METTL8: variants seen among roughly 807,000 people sequenced by gnomAD.
The protein encoded by METTL8 is tRNA N(3)-cytidine methyltransferase METTL8, mitochondrial.
Under a neutral mutation model 48.7 loss-of-function variants are expected in METTL8, and 32 were observed. That is an observed-to-expected ratio of 0.66 (90% CI 0.50 to 0.88). METTL8 has a LOEUF of 0.88. Ranked by LOEUF, METTL8 falls within the 40% of genes least tolerant of loss-of-function variation. The pLI, the probability that METTL8 is intolerant of heterozygous loss-of-function variation, is 0.00. For synonymous variants in METTL8, 136 were observed against 157.1 expected, an observed-to-expected ratio of 0.87 and a Z score of 1.01; for missense variants, 464 against 474.4, an observed-to-expected ratio of 0.98 and a Z score of 0.20.
chr2:171,403,891 C>T (rs1452130741), intron 1 of METTL8, among the ~76,000 whole-genome samples: 1 of 150,998 alleles, frequency 6.6e-6, no homozygotes, highest in Non-Finnish European at 1.5e-5. Context: ...AATATTTTCT[C>T]ATAGGCAATG....
chr2:171,348,293 A>G (rs1226406855), intron 3 of METTL8, among the ~76,000 whole-genome samples: 1 of 152,160 alleles, frequency 6.6e-6, no homozygotes, highest in Admixed American at 6.6e-5. Context: ...AATGGGCCAG[A>G]TAGTATTTTA....
At chr2:171,324,519 G>A (rs530085150) in intron 9 of METTL8, among the ~76,000 whole-genome samples, 157 bp from the exon 10 acceptor site, 9 of 152,252 alleles carry the variant, frequency 5.9e-5, no homozygotes, top group African/African-American at 2.2e-4. Flanking sequence ...GAAACCAAGC[G>A]AGTTTCTTCT....
intron 1 of METTL8, 133 bp from the exon 2 acceptor site, chr2:171,392,330 T>G (rs1209660488): frequency 1.5e-6 from 1 of 655,966 alleles, no homozygotes; most frequent in Admixed American, 3.2e-5. Flanking sequence ...TAATGAAAGA[T>G]GAGCATAACA....
chr2:171,350,502 G>A (rs1334848002), intron 3 of METTL8, among the ~76,000 whole-genome samples: 1 of 152,198 alleles, frequency 6.6e-6, no homozygotes, highest in Non-Finnish European at 1.5e-5. Flanking sequence ...TGGGTCAAAT[G>A]ATATTTCTAG....
chr2:171,398,330 A>G (rs1031883935), intron 1 of METTL8, among the ~76,000 whole-genome samples: 3 of 152,218 alleles, frequency 2.0e-5, no homozygotes, highest in Non-Finnish European at 4.4e-5. Flanking sequence ...CCTTAAAAAG[A>G]AAGGAAATTT....
At chr2:171,361,110 T>C (rs1458498126) in intron 2 of METTL8, among the ~76,000 whole-genome samples, 1 of 152,220 alleles carries the variant, frequency 6.6e-6, no homozygotes, top group East Asian at 1.9e-4. Context: ...GTACTTTCTA[T>C]AAGTATTTTT....
rs544556527 is a variant in METTL8 at position 171,324,483 on chromosome 2, A to G, written c.1034-121T>C. The G allele has an allele frequency of 4.4e-6, 4 of 916,794 alleles. No individual in the cohort carries two copies. The African/African-American group carries it at 5.0e-5, about 12-fold the overall frequency. The allele number at this position is 916,794 out of a possible 1,614,324, so 56.8% of individuals were successfully genotyped here. A position where few individuals can be genotyped will look rare whatever the true frequency, so the allele number is the denominator to read the frequency against. On this transcript the variant is annotated intron_variant, in intron 9 of 9. Transcript: ENST00000375258. ...TTCATTTATACAAGAAACACTCTCT[A>G]GAACAATTTGGTGAAGGAAACCTGT...
chr2:171,423,814 C>G lies in METTL8; in HGVS notation c.-13+10069G>C, dbSNP rs371665077. On this transcript the variant is annotated intron_variant, in intron 1 of 9. Coordinates refer to ENST00000375258, the MANE Select transcript of METTL8 (RefSeq NM_001321154.2). ...CCCATATTCTGGGGAGAAATTCAAG[C>G]GAGCTGCAGAAATTTGCATAAGTAA... Among the ~76,000 whole-genome samples, 5 of 152,280 alleles carry G rather than the reference C, an allele frequency of 3.3e-5. No homozygotes were observed. The South Asian group carries it at 6.2e-4, about 19-fold the overall frequency.
In METTL8 at chr2:171,324,261, G is replaced by A. The variant is rs10205459; in HGVS notation, c.1135C>T (p.Arg379Ter). The A allele has an allele frequency of 4.0e-4, 617 of 1,551,422 alleles. 4 individuals carry two copies. The African/African-American group carries it at 6.9e-3, about 17-fold the overall frequency. The change falls in exon 10 of 10, where the codon CGA (arginine) becomes TGA (stop). Residue 379 changes from arginine (R) to a stop codon, truncating the protein, a stop_gained. Coordinates refer to ENST00000375258, the MANE Select transcript of METTL8 (RefSeq NM_001321154.2). LOFTEE classifies it high-confidence loss of function. ...VNRKKQVKMHRVWIQGKFQKP... is the reference protein window; with the variant it reads ...VNRKKQVKMH ...TGGAATTTGCCTTGAATCCACACTC[G>A]GTGCATTTTCACTTGTTTTTTCCTA...
At chr2:171,422,005 A>C (rs1411555396) in intron 1 of METTL8, among the ~76,000 whole-genome samples, 1 of 152,264 alleles carries the variant, frequency 6.6e-6, no homozygotes, top group African/African-American at 2.4e-5. Context: ...GGTATATGAA[A>C]GTGTCAATGG....
chr2:171,327,109 T>G (rs2105388497), intron 7 of METTL8: 1 of 152,354 alleles, frequency 6.6e-6, no homozygotes, highest in Admixed American at 6.5e-5. Context: ...AATTCTCTCC[T>G]CCTTACTGTC....
rs921892569 is a variant in METTL8, at chr2:171,324,056, G to A, written c.*116C>T. 4.6e-5 allele frequency: 39 copies of A among 850,354 alleles called. No homozygotes were observed. Among genetic ancestry groups the A allele is most frequent in the Non-Finnish European group, 6.4e-5 (36 of 565,272 alleles). 52.7% of individuals were successfully genotyped at this position (850,354 alleles called of 1,614,324 possible). On this transcript the variant is annotated 3_prime_UTR_variant, in exon 10 of 10. Transcript: ENST00000375258. ...CAAAGGAGCTCACCTATGACAAAACGGCAGGAAATACAAATTCTCTTCTTT... is the reference window on the plus strand; with the variant it reads ...CAAAGGAGCTCACCTATGACAAAACAGCAGGAAATACAAATTCTCTTCTTT...
At chr2:171,395,596 GA>G (rs1451562662) in intron 1 of METTL8, among the ~76,000 whole-genome samples, 2 of 152,192 alleles carry the variant, frequency 1.3e-5, no homozygotes, top group Non-Finnish European at 2.9e-5. Context: ...TAGAGATAAA[GA>G]GGGGCATTTA....
chr2:171,371,928 G>A (rs899847828), intron 2 of METTL8, among the ~76,000 whole-genome samples: 3 of 151,482 alleles, frequency 2.0e-5, no homozygotes, highest in Non-Finnish European at 2.9e-5. Flanking sequence ...TGCATCAAGC[G>A]ATCTTCCTGC....
chr2:171,413,820 G>A (rs762349646), intron 1 of METTL8, among the ~76,000 whole-genome samples: 1 of 152,090 alleles, frequency 6.6e-6, no homozygotes, highest in Non-Finnish European at 1.5e-5. Flanking sequence ...TTTTGGCGAA[G>A]GTAAAAACAC....
At chr2:171,433,701 G>C (rs1693432723) in intron 1 of METTL8, among the ~76,000 whole-genome samples, 182 bp downstream of exon 1, 1 of 152,178 alleles carries the variant, frequency 6.6e-6, no homozygotes, top group Non-Finnish European at 1.5e-5. Flanking sequence ...AGCAATTATC[G>C]CAAAACCAGT....
intron 1 of METTL8, among the ~76,000 whole-genome samples, chr2:171,424,261 C>T (rs1003385746): frequency 5.3e-5 from 8 of 152,180 alleles, no homozygotes; most frequent in South Asian, 2.1e-4. Flanking sequence ...TATGGCAGTG[C>T]GGAAGGGAAA....
intron 3 of METTL8, among the ~76,000 whole-genome samples, chr2:171,342,215 C>A (rs1469132048): frequency 2.6e-5 from 4 of 152,130 alleles, no homozygotes; most frequent in African/African-American, 9.7e-5. Context: ...ACCCATCTGG[C>A]CACAAGACTT....
At chr2:171,330,328 T>C (rs1685384896) in intron 7 of METTL8, among the ~76,000 whole-genome samples, 1 of 152,234 alleles carries the variant, frequency 6.6e-6, no homozygotes, top group Admixed American at 6.5e-5. Context: ...TGCCAGAATA[T>C]GCTCACTTCA....
Sources: gnomAD v4.1 joint callset for allele counts (sites outside exome capture counted in the v4.1 genomes callset) on GRCh38, gnomAD v4.1.1 for gene constraint, MANE v1.5 for transcripts, NCBI Gene and HGNC (gene_info 2026-07-23, HGNC 2026-07-21) for gene names.